Variants in SLC25A12 observed in about 807,000 individuals in gnomAD.
SLC25A12 encodes the protein solute carrier family 25 member 12, also known as electrogenic aspartate/glutamate antiporter SLC25A12, mitochondrial.
Under a neutral mutation model 83.3 loss-of-function variants are expected in SLC25A12, and 32 were observed. The ratio of observed to expected loss-of-function variants is 0.38; its 90% CI spans 0.29 to 0.52. SLC25A12 has a LOEUF of 0.52. Among genes scored for constraint, SLC25A12 ranks in the 20% least tolerant of loss-of-function variants. SLC25A12 has a pLI of 0.84. For synonymous variants in SLC25A12, 267 were observed against 291.1 expected (o/e 0.92, Z 0.84); for missense variants, 611 against 835.6 (o/e 0.73, Z 3.31).
At chr2:171,861,196 C>A (rs2105910393) in intron 3 of SLC25A12, among the ~76,000 whole-genome samples, 1 of 151,874 alleles carries the variant, frequency 6.6e-6, no homozygotes, top group East Asian at 1.9e-4. Flanking sequence ...CTATAAAATT[C>A]TTTCAACTTT....
At chr2:171,853,663 A>G (rs906870829) in intron 4 of SLC25A12, among the ~76,000 whole-genome samples, 9 of 152,120 alleles carry the variant, frequency 5.9e-5, no homozygotes, top group Non-Finnish European at 1.3e-4. Context: ...CCTGGGTGAC[A>G]GAGTGAGGCT....
intron 2 of SLC25A12, among the ~76,000 whole-genome samples, chr2:171,889,395 T>C (rs764581106): frequency 6.6e-6 from 1 of 152,226 alleles, no homozygotes; most frequent in South Asian, 2.1e-4. Context: ...GGTATTGTCC[T>C]TGCTTTTCAT....
rs1216317794 is a variant in SLC25A12 at position 171,893,190 on chromosome 2, T to C, written c.66+15A>G. Reference sequence around the variant, plus strand: ...TGTTTTTGCAATGAAAGGCACACTATGCAAGCCAATTTACCTGTAGAAATA... The same window carrying C: ...TGTTTTTGCAATGAAAGGCACACTACGCAAGCCAATTTACCTGTAGAAATA... On this transcript the variant is annotated intron_variant, in intron 2 of 17. Transcript: ENST00000422440. 3.7e-6 allele frequency: 6 copies of C among 1,612,720 alleles called. No individual in the cohort carries two copies. In the African/African-American group the frequency reaches 5.3e-5, roughly 14 times the overall value.
intron 3 of SLC25A12, among the ~76,000 whole-genome samples, chr2:171,860,995 G>A (rs1027225089): frequency 2.6e-5 from 4 of 152,078 alleles, no homozygotes; most frequent in East Asian, 1.9e-4. Context: ...GGAGGCTGAC[G>A]TAGGGAGGAT....
At chr2:171,826,350 G>A (rs563808251) in intron 9 of SLC25A12, among the ~76,000 whole-genome samples, 1 of 152,234 alleles carries the variant, frequency 6.6e-6, no homozygotes, top group Non-Finnish European at 1.5e-5. Context: ...GCTCATGCCT[G>A]TAATCCCAGC....
chr2:171,811,524 C>T (rs901297152), intron 11 of SLC25A12, among the ~76,000 whole-genome samples: 9 of 152,096 alleles, frequency 5.9e-5, no homozygotes, highest in South Asian at 2.1e-4. Flanking sequence ...TTGTTGCCTG[C>T]GAAGAAATTT....
At chr2:171,893,335 T>C in intron 1 of SLC25A12, 77 bp from the exon 2 acceptor site, 1 of 1,207,976 alleles carries the variant, frequency 8.3e-7, no homozygotes. Context: ...AGAGGTCACA[T>C]GGCTAACAAT....
At chr2:171,888,511 G>A (rs547017787) in intron 2 of SLC25A12, among the ~76,000 whole-genome samples, 8 of 151,942 alleles carry the variant, frequency 5.3e-5, no homozygotes, top group Admixed American at 1.3e-4. Flanking sequence ...GCACAATCTC[G>A]GCTCACTGCA....
At chr2:171,816,086 G>A (rs1485914672) in intron 9 of SLC25A12, among the ~76,000 whole-genome samples, 1 of 125,326 alleles carries the variant, frequency 8.0e-6, no homozygotes, top group Non-Finnish European at 1.6e-5. Flanking sequence ...TTTTTTTGGA[G>A]ACAGGGTTTC....
At chr2:171,850,351 T>G (rs1374846180) in intron 4 of SLC25A12, among the ~76,000 whole-genome samples, 5 of 135,006 alleles carry the variant, frequency 3.7e-5, no homozygotes, top group Admixed American at 1.5e-4. Flanking sequence ...TTTTTTTTTT[T>G]TTTTTTTTTT....
chr2:171,807,835 G>A (rs1683866787), intron 13 of SLC25A12, among the ~76,000 whole-genome samples: 1 of 152,142 alleles, frequency 6.6e-6, no homozygotes. Flanking sequence ...ATGTGCTGGG[G>A]CATGCATACA....
At chr2:171,788,022 A>G (rs1690522308) in intron 15 of SLC25A12, 75 bp from the exon 16 acceptor site, 2 of 1,481,116 alleles carry the variant, frequency 1.4e-6, no homozygotes, top group East Asian at 2.3e-5. Context: ...CATCTACTAT[A>G]GAGCCTGCAA....
chr2:171,793,075 C>A (rs988511088), intron 14 of SLC25A12, among the ~76,000 whole-genome samples: 8 of 149,648 alleles, frequency 5.3e-5, no homozygotes, highest in African/African-American at 2.0e-4. Flanking sequence ...GGGAAGGAAT[C>A]TTTTGACTGG....
At position 171,785,348 on chromosome 2, in the gene SLC25A12, G is replaced by A. The variant is rs749429197; in HGVS notation, c.1963C>T (p.Leu655Phe). 6.2e-7 allele frequency: 1 copy of A among 1,614,190 alleles called. No homozygotes were observed. Among genetic ancestry groups the A allele is most frequent in the South Asian group, 1.1e-5 (1 of 91,082 alleles). ...TFAGIENKFG[L>F]YLPKFKSPSV... ...GGAGACTTAAATTTCGGGAGATAAA[G>A]GCCAAATTTGTTTTCGATGCCTGCA... is the stretch of plus-strand genomic sequence containing the variant. The change falls in exon 18 of 18, where the codon CTT becomes TTT. Residue 655 changes from leucine (L) to phenylalanine (F), a missense_variant. Coordinates refer to ENST00000422440, the MANE Select transcript of SLC25A12 (RefSeq NM_003705.5).
chr2:171,802,082 TTCA>T (rs1277666869), intron 13 of SLC25A12, among the ~76,000 whole-genome samples: 1 of 152,166 alleles, frequency 6.6e-6, no homozygotes, highest in African/African-American at 2.4e-5. Flanking sequence ...ACACTCAACA[TTCA>T]TAAGAGATAT....
intron 3 of SLC25A12, among the ~76,000 whole-genome samples, chr2:171,859,182 A>G (rs1685100514): frequency 6.6e-6 from 1 of 152,228 alleles, no homozygotes; most frequent in Non-Finnish European, 1.5e-5. Flanking sequence ...GACCACTATT[A>G]TAAGAAGCTA....
At position 171,796,240 on chromosome 2, in the gene SLC25A12, C is replaced by T. The variant is rs568839690; in HGVS notation, c.1306-2473G>A. Among the ~76,000 whole-genome samples the T allele has an allele frequency of 5.3e-5, 8 of 152,340 alleles. No individual in the cohort carries two copies. The East Asian group carries it at 1.5e-3, about 29-fold the overall frequency. On this transcript the variant is annotated intron_variant, in intron 13 of 17. Coordinates refer to ENST00000422440, the MANE Select transcript of SLC25A12 (RefSeq NM_003705.5). ...AAGATTACAGGCGTGAGCCACTGCA[C>T]CCAGCTGGGACTACATTTTAAAAAT...
intron 2 of SLC25A12, among the ~76,000 whole-genome samples, chr2:171,877,432 C>T (rs1685594535): frequency 6.6e-6 from 1 of 151,868 alleles, no homozygotes; most frequent in Non-Finnish European, 1.5e-5. Flanking sequence ...TTTGGGAGGC[C>T]GAGGCGGGTG....
intron 13 of SLC25A12, among the ~76,000 whole-genome samples, chr2:171,806,466 C>T (rs568444996): frequency 8.4e-4 from 128 of 152,136 alleles, no homozygotes; most frequent in Non-Finnish European, 1.2e-3. Flanking sequence ...AAAACAAAAA[C>T]GAAAACAAAA....
Sources: allele counts gnomAD v4.1 joint callset (sites outside exome capture counted in the v4.1 genomes callset), GRCh38; gene constraint gnomAD v4.1.1; transcripts MANE v1.5; gene names NCBI Gene and HGNC (gene_info 2026-07-23, HGNC 2026-07-21).